Variants in TAFA2 observed in about 807,000 individuals in gnomAD.
TAFA2 encodes chemokine-like protein TAFA-2.
TAFA2 carries 7 observed loss-of-function variants against 18.8 expected under a neutral mutation model. The observed-to-expected ratio is 0.37, with a 90% confidence interval of 0.21 to 0.70. TAFA2 has a LOEUF of 0.70. TAFA2 is among the 30% of genes least tolerant of loss of function. TAFA2 has a pLI of 0.53. For synonymous variants in TAFA2, 60 were observed against 54.2 expected, an observed-to-expected ratio of 1.11 and a Z score of -0.47; for missense variants, 122 against 158.1, an observed-to-expected ratio of 0.77 and a Z score of 1.23.
At chr12:61,845,076 G>A (rs1007321138) in intron 2 of TAFA2, among the ~76,000 whole-genome samples, 8 of 151,994 alleles carry the variant, frequency 5.3e-5, no homozygotes, top group African/African-American at 1.9e-4. Context: ...AGTTAGCAGA[G>A]AACAAACAAC....
chr12:62,023,725 C>G (rs1238208536), intron 1 of TAFA2: 2 of 151,940 alleles, frequency 1.3e-5, no homozygotes, highest in African/African-American at 4.8e-5. Flanking sequence ...TTCAATTCAC[C>G]TGAGATGGAC....
chr12:61,823,882 C>A (rs1210113684), intron 2 of TAFA2, among the ~76,000 whole-genome samples: 1 of 152,176 alleles, frequency 6.6e-6, no homozygotes, highest in African/African-American at 2.4e-5. Context: ...TGTGGGGAGA[C>A]TTTAGGTAAG....
At position 61,787,152 on chromosome 12, in the gene TAFA2, G is replaced by C. The variant is rs115364131; in HGVS notation, c.107-32128C>G. Among the ~76,000 whole-genome samples the C allele has an allele frequency of 6.3e-3, 948 of 150,974 alleles. 8 individuals carry two copies. Among genetic ancestry groups the C allele is most frequent in the African/African-American group, 0.022 (887 of 41,182 alleles). On this transcript the variant is annotated intron_variant, in intron 2 of 4. Transcript: ENST00000416284. ...CTTGCAGGTCAGGAGAAAATGGGAT[G>C]ACACATTTAAAATACTGAAAGAAAA...
At chr12:62,196,989 T>C (rs1264959148), upstream of TAFA2, among the ~76,000 whole-genome samples, 5 of 152,208 alleles carry the variant, frequency 3.3e-5, no homozygotes, top group Non-Finnish European at 7.3e-5. Flanking sequence ...GGGTGAGCTG[T>C]GGGCAAATGA....
At chr12:61,960,917 A>G (rs1180491762) in intron 1 of TAFA2, among the ~76,000 whole-genome samples, 2 of 151,958 alleles carry the variant, frequency 1.3e-5, no homozygotes, top group Non-Finnish European at 2.9e-5. Context: ...TTGCTATTGT[A>G]TGAGTCTGTT....
intron 1 of TAFA2, among the ~76,000 whole-genome samples, chr12:62,046,633 G>T (rs1881916346): frequency 6.6e-6 from 1 of 151,994 alleles, no homozygotes; most frequent in African/African-American, 2.4e-5. Context: ...ATACTCTACA[G>T]ATTTCAGTAA....
chr12:62,253,647 A>G (rs966639100), intron 1 of TAFA2: 1 of 152,184 alleles, frequency 6.6e-6, no homozygotes, highest in African/African-American at 2.4e-5. Flanking sequence ...CCATAGTCAC[A>G]TCACTCTCTG....
chr12:62,215,679 A>G (rs1333586680), intron 1 of TAFA2, among the ~76,000 whole-genome samples: 1 of 149,850 alleles, frequency 6.7e-6, no homozygotes, highest in Non-Finnish European at 1.5e-5. Context: ...CTTAAGAGGA[A>G]GAACTTGTTT....
At chr12:62,190,146 C>T (rs1479864553) in intron 1 of TAFA2, among the ~76,000 whole-genome samples, 1 of 152,088 alleles carries the variant, frequency 6.6e-6, no homozygotes, top group East Asian at 1.9e-4. Context: ...CATTACTACA[C>T]ATTTGATTCC....
At chr12:61,952,572 A>C (rs1878507132) in intron 1 of TAFA2, among the ~76,000 whole-genome samples, 1 of 152,106 alleles carries the variant, frequency 6.6e-6, no homozygotes, top group Non-Finnish European at 1.5e-5. Flanking sequence ...GCCCATTGGA[A>C]ACAAAAAGAC....
At chr12:62,108,694 T>C (rs1319961813) in intron 1 of TAFA2, among the ~76,000 whole-genome samples, 1 of 152,252 alleles carries the variant, frequency 6.6e-6, no homozygotes, top group Non-Finnish European at 1.5e-5. Flanking sequence ...TGGTGTGAGA[T>C]GGTATCTCAT....
chr12:61,863,089 T>G (rs949520057), intron 2 of TAFA2, among the ~76,000 whole-genome samples: 1 of 152,170 alleles, frequency 6.6e-6, no homozygotes, highest in Non-Finnish European at 1.5e-5. Context: ...TTTACTATGC[T>G]CTGGGTCTAG....
At chr12:62,088,672 A>G (rs1565740614) in intron 1 of TAFA2, among the ~76,000 whole-genome samples, 1 of 152,078 alleles carries the variant, frequency 6.6e-6, no homozygotes, top group South Asian at 2.1e-4. Flanking sequence ...TCAAAAATGA[A>G]GAAGGCTATA....
chr12:62,118,001 G>C (rs1247082657), intron 1 of TAFA2, among the ~76,000 whole-genome samples: 1 of 151,950 alleles, frequency 6.6e-6, no homozygotes, highest in Admixed American at 6.6e-5. Context: ...TTAATAATGT[G>C]ATAAGTACAC....
chr12:62,087,218 T>G (rs866208434), intron 1 of TAFA2, among the ~76,000 whole-genome samples: 3 of 152,046 alleles, frequency 2.0e-5, no homozygotes, highest in African/African-American at 7.2e-5. Context: ...TGGAGATGGA[T>G]AGTCATGATG....
chr12:61,723,028 A>G (rs1034886814), intron 4 of TAFA2, among the ~76,000 whole-genome samples: 1 of 152,158 alleles, frequency 6.6e-6, no homozygotes, highest in Non-Finnish European at 1.5e-5. Context: ...CAAAACATGC[A>G]TGCACCACTC....
chr12:61,974,034 G>A (rs1256677765), intron 1 of TAFA2, among the ~76,000 whole-genome samples: 1 of 151,664 alleles, frequency 6.6e-6, no homozygotes, highest in East Asian at 1.9e-4. Flanking sequence ...GTTATGTAAA[G>A]GTAATGACAC....
At chr12:62,100,968 C>T (rs1869174595) in intron 1 of TAFA2, among the ~76,000 whole-genome samples, 1 of 152,118 alleles carries the variant, frequency 6.6e-6, no homozygotes, top group South Asian at 2.1e-4. Flanking sequence ...TGTTATACTG[C>T]ACCCTACATT....
intron 1 of TAFA2, among the ~76,000 whole-genome samples, chr12:62,108,676 A>G (rs755242266): frequency 3.3e-5 from 5 of 152,162 alleles, no homozygotes; most frequent in Non-Finnish European, 5.9e-5. Context: ...AATGATCACA[A>G]TTCTAACTGG....
Sources: allele counts gnomAD v4.1 joint callset (sites outside exome capture counted in the v4.1 genomes callset), GRCh38; gene constraint gnomAD v4.1.1; transcripts MANE v1.5; gene names NCBI Gene and HGNC (gene_info 2026-07-23, HGNC 2026-07-21).